Variants in LPP observed in about 807,000 individuals in gnomAD.
The protein encoded by LPP is lipoma-preferred partner.
LPP carries 38 observed loss-of-function variants against 60.4 expected under a neutral mutation model. The ratio of observed to expected loss-of-function variants is 0.63; its 90% CI spans 0.49 to 0.83. The LOEUF is 0.83. Among genes scored for constraint, LPP ranks in the 40% least tolerant of loss-of-function variants. The pLI, the probability that LPP is intolerant of heterozygous loss-of-function variation, is 0.00. For synonymous variants in LPP, 328 were observed against 290.8 expected, an observed-to-expected ratio of 1.13 and a Z score of -1.30; for missense variants, 902 against 783.6, an observed-to-expected ratio of 1.15 and a Z score of -1.80.
chr3:188,257,599 A>G (rs1035792400), intron 2 of LPP, among the ~76,000 whole-genome samples: 2 of 152,166 alleles, frequency 1.3e-5, no homozygotes, highest in Admixed American at 6.6e-5. Context: ...TTGGTTGTCT[A>G]CCTTATCTGT....
At chr3:188,255,943 G>A (rs1374692746) in intron 2 of LPP, among the ~76,000 whole-genome samples, 2 of 152,090 alleles carry the variant, frequency 1.3e-5, no homozygotes, top group Non-Finnish European at 2.9e-5. Flanking sequence ...CCGTCATACC[G>A]TATCAGCATA....
intron 7 of LPP, among the ~76,000 whole-genome samples, chr3:188,638,665 A>C (rs908191491): frequency 2.0e-5 from 3 of 148,810 alleles, no homozygotes; most frequent in African/African-American, 7.6e-5. Flanking sequence ...ACTTCAGCAA[A>C]GTCTCAGGAT....
intron 6 of LPP, among the ~76,000 whole-genome samples, chr3:188,560,424 C>T (rs1478458299): frequency 6.6e-6 from 1 of 152,124 alleles, no homozygotes; most frequent in Non-Finnish European, 1.5e-5. Flanking sequence ...ATCTGTTTCT[C>T]ATGCTACTAC....
At chr3:188,845,591 TA>T (rs1761192598) in intron 9 of LPP, among the ~76,000 whole-genome samples, 1 of 152,210 alleles carries the variant, frequency 6.6e-6, no homozygotes, top group African/African-American at 2.4e-5. Flanking sequence ...GAAGCATATC[TA>T]AACAGGTCTC....
intron 8 of LPP, among the ~76,000 whole-genome samples, chr3:188,721,767 C>G (rs987219613): frequency 6.6e-6 from 1 of 151,934 alleles, no homozygotes; most frequent in Non-Finnish European, 1.5e-5. Flanking sequence ...TGTGAAGGAT[C>G]GTGTTGTGTT....
At chr3:188,662,146 A>G (rs1854721705) in intron 7 of LPP, among the ~76,000 whole-genome samples, 1 of 152,198 alleles carries the variant, frequency 6.6e-6, no homozygotes, top group South Asian at 2.1e-4. Context: ...GTGCTTTTCT[A>G]TTTTTTCCTA....
chr3:188,212,177 A>T (rs1711539683), intron 1 of LPP, among the ~76,000 whole-genome samples: 1 of 151,784 alleles, frequency 6.6e-6, no homozygotes, highest in Admixed American at 6.6e-5. Flanking sequence ...TTGTTTTGAG[A>T]CTCACCTGCC....
chr3:188,559,351 T>C (rs904249371), intron 6 of LPP, among the ~76,000 whole-genome samples: 3 of 152,060 alleles, frequency 2.0e-5, no homozygotes, highest in African/African-American at 7.2e-5. Context: ...ATCAGATATA[T>C]ATGTAGTGTA....
At chr3:188,374,315 T>C (rs868566490) in intron 3 of LPP, among the ~76,000 whole-genome samples, 1,752 of 151,974 alleles carry the variant, frequency 0.012, 29 homozygotes, top group African/African-American at 0.039. Flanking sequence ...GCCATTTTCA[T>C]GATATTGATT....
intron 1 of LPP, among the ~76,000 whole-genome samples, chr3:188,155,939 C>T (rs933197631): frequency 1.3e-5 from 2 of 152,010 alleles, no homozygotes; most frequent in East Asian, 3.9e-4. Flanking sequence ...CGCTTGAACC[C>T]GGGAGGCAGA....
chr3:188,795,357 C>G (rs1310548427), intron 9 of LPP, among the ~76,000 whole-genome samples: 1 of 152,142 alleles, frequency 6.6e-6, no homozygotes, highest in Non-Finnish European at 1.5e-5. Context: ...AAAAATCCCC[C>G]ATGTTTAGCC....
In LPP at chr3:188,609,611, G is replaced by A; in HGVS notation, c.880G>A (p.Gly294Arg). 6.2e-7 allele frequency: 1 copy of A among 1,614,134 alleles called. No individual in the cohort carries two copies. Among genetic ancestry groups the A allele is most frequent in the Non-Finnish European group, 8.5e-7 (1 of 1,180,022 alleles). Reference protein sequence around the residue: ...EPGYGYAPNQGRYYEGYYAAG... With the variant: ...EPGYGYAPNQRRYYEGYYAAG... Reference sequence around the variant, plus strand: ...TGGGTATGGGTATGCCCCCAACCAGGGACGCTATTATGAAGGCTACTATGC... The same window carrying A: ...TGGGTATGGGTATGCCCCCAACCAGAGACGCTATTATGAAGGCTACTATGC... The change falls in exon 7 of 12, where the codon GGA (glycine) becomes AGA (arginine). Residue 294 changes from glycine (G) to arginine (R), a missense_variant. Gly to Arg is a moderately radical substitution (Grantham distance 125). Coordinates refer to ENST00000617246, the MANE Select transcript of LPP (RefSeq NM_001375462.1). The surrounding 1 kb of genome is among the most constrained non-coding windows in gnomAD (Gnocchi z 6.9).
chr3:188,436,639 G>A (rs1792371763), intron 4 of LPP, among the ~76,000 whole-genome samples: 1 of 152,164 alleles, frequency 6.6e-6, no homozygotes, highest in South Asian at 2.1e-4. Context: ...GGATTTCTAT[G>A]CAAAAGGCCA....
intron 2 of LPP, among the ~76,000 whole-genome samples, chr3:188,240,699 C>A (rs181532221): frequency 1.3e-5 from 2 of 152,212 alleles, no homozygotes; most frequent in Middle Eastern, 3.4e-3. Context: ...GGTGGGATAA[C>A]ACATCAACCT....
chr3:188,695,258 G>T (rs1288368990), intron 7 of LPP, among the ~76,000 whole-genome samples: 2 of 152,104 alleles, frequency 1.3e-5, no homozygotes. Context: ...GAGTTTGTGG[G>T]AATGGATAAA....
chr3:188,394,408 A>G (rs978330314), intron 3 of LPP, among the ~76,000 whole-genome samples: 1 of 152,206 alleles, frequency 6.6e-6, no homozygotes, highest in Non-Finnish European at 1.5e-5. Flanking sequence ...ACATGTACAA[A>G]TGAACTCACA....
At chr3:188,841,359 C>T (rs1165281012) in intron 9 of LPP, among the ~76,000 whole-genome samples, 4 of 148,348 alleles carry the variant, frequency 2.7e-5, no homozygotes, top group Non-Finnish European at 4.4e-5. Context: ...CCTGCCTCTT[C>T]TAGTCTAGTT....
chr3:188,566,611 T>G (rs913585274), intron 6 of LPP, among the ~76,000 whole-genome samples: 1 of 151,894 alleles, frequency 6.6e-6, no homozygotes, highest in African/African-American at 2.4e-5. Context: ...ATGTTTCTGC[T>G]TAGTTCAAAA....
At chr3:188,700,075 T>C (rs1864081902) in intron 7 of LPP, among the ~76,000 whole-genome samples, 1 of 152,168 alleles carries the variant, frequency 6.6e-6, no homozygotes, top group Admixed American at 6.5e-5. Context: ...ATAATTGAAG[T>C]TATTTTCCCT....
Sources: gnomAD v4.1 joint callset for allele counts (sites outside exome capture counted in the v4.1 genomes callset) on GRCh38, gnomAD v4.1.1 for gene constraint, Gnocchi (gnomAD v3.1) non-coding constraint, MANE v1.5 for transcripts, NCBI Gene and HGNC (gene_info 2026-07-23, HGNC 2026-07-21) for gene names.